WDFY4: variants seen among roughly 807,000 people sequenced by gnomAD.
WDFY4 encodes the protein WDFY family member 4, also known as WD repeat- and FYVE domain-containing protein 4.
In WDFY4, 169 loss-of-function variants were observed where a neutral mutation model predicts 351.9. The ratio of observed to expected loss-of-function variants is 0.48; its 90% CI spans 0.42 to 0.55. The LOEUF is 0.55. Ranked by LOEUF, WDFY4 falls within the 20% of genes least tolerant of loss-of-function variation. WDFY4 has a pLI of 0.00. For missense variants in WDFY4, 3,803 were observed against 3,935.6 expected (o/e 0.97, Z 0.90); for synonymous variants, 1,622 against 1,574.6 (o/e 1.03, Z -0.71).
chr10:48,898,090 T>G (rs1837178240), intron 45 of WDFY4, among the ~76,000 whole-genome samples: 1 of 151,906 alleles, frequency 6.6e-6, no homozygotes, highest in Non-Finnish European at 1.5e-5. Context: ...AGCTGCCCCC[T>G]CCAACCAGGA....
chr10:48,786,968 T>A, intron 20 of WDFY4, 98 bp downstream of exon 20: 1 of 1,065,244 alleles, frequency 9.4e-7, no homozygotes, highest in Non-Finnish European at 1.4e-6. Flanking sequence ...AGCTCAGCGT[T>A]AAAGTCAGTC....
Position 48,832,667 on chromosome 10 carries a change from G to C in WDFY4, c.6621G>C (p.Leu2207=). Residue 2207 remains leucine, a synonymous_variant, in exon 39 of 62, where the codon CTG becomes CTC. Coordinates refer to ENST00000325239, the MANE Select transcript of WDFY4 (RefSeq NM_001394531.1). ...WSGSLSSAMK[L]MPGRQAKDPE... ...GAAGCCTGTCCTCAGCCATGAAGCT[G>C]ATGCCCGGGCGGCAGGCCAAGGACC... 1 of 1,550,640 alleles carries C rather than the reference G, an allele frequency of 6.4e-7. No individual in the cohort carries two copies. Among genetic ancestry groups the C allele is most frequent in the Non-Finnish European group, 8.7e-7 (1 of 1,146,324 alleles).
chr10:48,936,769 C>G (rs1266807821), intron 47 of WDFY4, among the ~76,000 whole-genome samples: 2 of 146,634 alleles, frequency 1.4e-5, no homozygotes, highest in African/African-American at 5.1e-5. Flanking sequence ...ACCCAGGAGA[C>G]AGAGGTTGCA....
intron 47 of WDFY4, chr10:48,913,860 AGCAG>A: frequency 6.2e-7 from 1 of 1,614,058 alleles, no homozygotes; most frequent in Non-Finnish European, 8.5e-7. Flanking sequence ...GTTGAGGTAG[AGCAG>A]GCTGGTCATC....
intron 53 of WDFY4, among the ~76,000 whole-genome samples, chr10:48,962,387 G>C (rs1479632959): frequency 6.6e-6 from 1 of 152,174 alleles, no homozygotes; most frequent in East Asian, 1.9e-4. Flanking sequence ...TGTCCTCCCA[G>C]AGGACCAACA....
chr10:48,912,626 G>T (rs1293744833), intron 47 of WDFY4, among the ~76,000 whole-genome samples: 1 of 152,202 alleles, frequency 6.6e-6, no homozygotes, highest in Non-Finnish European at 1.5e-5. Flanking sequence ...ACCTAGCATG[G>T]TGCTGAGTAA....
At chr10:48,902,006 T>A (rs1357161381) in intron 47 of WDFY4, 143 bp downstream of exon 47, 2 of 750,392 alleles carry the variant, frequency 2.7e-6, no homozygotes, top group Non-Finnish European at 4.5e-6. Flanking sequence ...TTCCTATACA[T>A]CCTTCATCCT....
Position 48,957,078 on chromosome 10 carries a change from C to G in WDFY4, c.7978-51C>G, listed in dbSNP as rs111273796. The G allele has an allele frequency of 4.8e-4, 742 of 1,530,280 alleles. 3 individuals are homozygous for G. The African/African-American group carries it at 6.6e-3, about 14-fold the overall frequency. The allele number at this position is 1,530,280 out of a possible 1,614,324, so 94.8% of individuals were successfully genotyped here. On this transcript the variant is annotated intron_variant, in intron 51 of 61. Transcript: ENST00000325239. ...GGCAGAATGGACGGTGCCTGGCCAGCAGGAGGGTGCCAGTGAGAGCGGCTG... is the reference window on the plus strand; with the variant it reads ...GGCAGAATGGACGGTGCCTGGCCAGGAGGAGGGTGCCAGTGAGAGCGGCTG...
chr10:48,748,595 T>C (rs1335519279), intron 12 of WDFY4, among the ~76,000 whole-genome samples: 1 of 152,242 alleles, frequency 6.6e-6, no homozygotes, highest in Non-Finnish European at 1.5e-5. Context: ...AGTCCTGATG[T>C]TTTAGAGGTG....
intron 10 of WDFY4, among the ~76,000 whole-genome samples, chr10:48,735,303 G>A (rs116269950): frequency 0.01 from 1,533 of 152,208 alleles, 28 homozygotes; most frequent in African/African-American, 0.036. Context: ...CACCTGTCAG[G>A]TTTCTTTAAT....
At chr10:48,692,548 C>T (rs187711900) in intron 1 of WDFY4, among the ~76,000 whole-genome samples, 7 of 152,260 alleles carry the variant, frequency 4.6e-5, no homozygotes, top group Admixed American at 1.3e-4. Context: ...ATTTTATAAT[C>T]GATAGAGACT....
In WDFY4 at chr10:48,867,249, T is replaced by C. The variant is rs1171966942; in HGVS notation, c.6664-16T>C. ...CAACTATCATTAAGCTGTGACTTGT[T>C]TTCTCCTTTCTCCAGGATTTTGTGT... On this transcript the variant is annotated splice_polypyrimidine_tract_variant and intron_variant, in intron 39 of 61. Coordinates refer to ENST00000325239, the MANE Select transcript of WDFY4 (RefSeq NM_001394531.1). 6.0e-6 allele frequency: 8 copies of C among 1,334,876 alleles called. No homozygotes were observed. The African/African-American group carries it at 1.2e-4, about 21-fold the overall frequency. 82.7% of individuals were successfully genotyped at this position (1,334,876 alleles called of 1,614,324 possible). A position where few individuals can be genotyped will look rare whatever the true frequency, so the allele number is the denominator to read the frequency against.
intron 1 of WDFY4, among the ~76,000 whole-genome samples, chr10:48,698,582 C>T (rs955929300): frequency 7.2e-5 from 11 of 152,284 alleles, no homozygotes; most frequent in African/African-American, 2.2e-4. Context: ...TCAGTCTTTG[C>T]TCAATTTATT....
intron 13 of WDFY4, among the ~76,000 whole-genome samples, chr10:48,764,466 A>C (rs997464897): frequency 2.6e-5 from 4 of 152,238 alleles, no homozygotes; most frequent in African/African-American, 9.6e-5. Flanking sequence ...CTAATTGGGA[A>C]TAAAGATACT....
intron 47 of WDFY4, among the ~76,000 whole-genome samples, chr10:48,928,654 C>T (rs1249482894): frequency 6.6e-6 from 1 of 152,194 alleles, no homozygotes; most frequent in African/African-American, 2.4e-5. Context: ...ACATGGAATT[C>T]TTTCTGCACT....
At chr10:48,787,760 G>A (rs1003303339) in intron 20 of WDFY4, among the ~76,000 whole-genome samples, 8 of 150,334 alleles carry the variant, frequency 5.3e-5, no homozygotes, top group South Asian at 4.3e-4. Context: ...GGGAGAGTTC[G>A]CCACAGTTTT....
chr10:48,724,720 T>C (rs143571218), intron 5 of WDFY4, among the ~76,000 whole-genome samples: 26 of 152,226 alleles, frequency 1.7e-4, no homozygotes, highest in East Asian at 1.5e-3. Flanking sequence ...GGCAGACAGA[T>C]GGTTGCTGCA....
chr10:48,941,752 T>A, intron 47 of WDFY4, 54 bp from the exon 48 acceptor site: 9 of 1,536,198 alleles, frequency 5.9e-6, no homozygotes, highest in Non-Finnish European at 7.9e-6. Context: ...CTCTCCCCTG[T>A]TTGTATTCTT....
intron 28 of WDFY4, 68 bp downstream of exon 28, chr10:48,808,026 T>C (rs2067317252): frequency 7.6e-7 from 1 of 1,312,966 alleles, no homozygotes; most frequent in Non-Finnish European, 1.0e-6. Flanking sequence ...TTAAACCTTT[T>C]CTTAATGAAA....
Sources: gnomAD v4.1 joint callset for allele counts (sites outside exome capture counted in the v4.1 genomes callset) on GRCh38, gnomAD v4.1.1 for gene constraint, MANE v1.5 for transcripts, NCBI Gene and HGNC (gene_info 2026-07-23, HGNC 2026-07-21) for gene names.